PANX1: variants seen among roughly 807,000 people sequenced by gnomAD.
The protein encoded by PANX1 is pannexin-1.
Under a neutral mutation model 38.7 loss-of-function variants are expected in PANX1, and 30 were observed. That is an observed-to-expected ratio of 0.78 (90% CI 0.58 to 1.05). The LOEUF (loss-of-function observed/expected upper bound fraction) is 1.05. Among genes scored for constraint, PANX1 ranks in the 50% least tolerant of loss-of-function variants. The probability of loss-of-function intolerance (pLI) is 0.00; values close to 1 mark genes in which losing one functional copy is unlikely to be tolerated. For synonymous variants in PANX1, 230 were observed against 212.2 expected (o/e 1.08, Z -0.73); for missense variants, 551 against 517.2 (o/e 1.07, Z -0.63).
intron 2 of PANX1, among the ~76,000 whole-genome samples, chr11:94,175,204 T>A (rs1019336054): frequency 1.3e-5 from 2 of 151,778 alleles, no homozygotes; most frequent in African/African-American, 4.9e-5. Context: ...TTTGGATTCT[T>A]ATTTCCTGTT....
intron 2 of PANX1, among the ~76,000 whole-genome samples, chr11:94,166,401 A>T (rs1319256014): frequency 6.6e-6 from 1 of 152,092 alleles, no homozygotes; most frequent in Non-Finnish European, 1.5e-5. Flanking sequence ...TTTCACCTTT[A>T]TGTTTGAAGG....
chr11:94,174,994 T>C (rs1947215973), intron 2 of PANX1, among the ~76,000 whole-genome samples: 1 of 151,668 alleles, frequency 6.6e-6, no homozygotes, highest in Non-Finnish European at 1.5e-5. Flanking sequence ...GTTTCCCTAT[T>C]CTTGGAAGAG....
At chr11:94,139,712 A>G (rs975234461) in intron 1 of PANX1, among the ~76,000 whole-genome samples, 2 of 152,182 alleles carry the variant, frequency 1.3e-5, no homozygotes, top group Admixed American at 6.5e-5. Context: ...CCATGCCTGC[A>G]TAGAAACCCA....
Position 94,179,991 on chromosome 11 carries a change from TC to T in PANX1, c.939del (p.Thr314LeufsTer15). 2 of 1,595,106 alleles carry T rather than the reference TC, an allele frequency of 1.3e-6. No homozygotes were observed. Among genetic ancestry groups the T allele is most frequent in the Non-Finnish European group, 1.7e-6 (2 of 1,167,688 alleles). ...KTDVLKVYEI[L>X]PTFDVLHFKS... ...GATGTTCTCAAAGTGTACGAAATCCTCCCCACTTTTGATGTTCTGCATTTCA... is the reference window on the plus strand; with the variant it reads ...GATGTTCTCAAAGTGTACGAAATCCTCCCACTTTTGATGTTCTGCATTTCA... On this transcript the variant is annotated frameshift_variant, in exon 4 of 5. Coordinates refer to ENST00000227638, the MANE Select transcript of PANX1 (RefSeq NM_015368.4). LOFTEE classifies it high-confidence loss of function.
chr11:94,181,744 A>G lies in PANX1; in HGVS notation c.*875A>G, dbSNP rs897514888. ...TGGAACACAGGAGTATTTAAAGTGA[A>G]GAACACTTTGCCTGAATGTGATCAG... is the stretch of plus-strand genomic sequence containing the variant. On this transcript the variant is annotated 3_prime_UTR_variant, in exon 5 of 5. Transcript: ENST00000227638. The G allele has an allele frequency of 5.9e-5, 9 of 152,246 alleles. No individual in the cohort carries two copies. The highest frequency in any genetic ancestry group is 2.2e-4 in the African/African-American group (9 of 41,476). 9.4% of individuals were successfully genotyped at this position (152,246 alleles called of 1,614,324 possible). A position where few individuals can be genotyped will look rare whatever the true frequency, so the allele number is the denominator to read the frequency against.
intron 2 of PANX1, among the ~76,000 whole-genome samples, chr11:94,174,242 T>A (rs1033920516): frequency 4.6e-5 from 7 of 151,444 alleles, no homozygotes; most frequent in Non-Finnish European, 7.4e-5. Flanking sequence ...TGGTCATTAG[T>A]TAGGGTTGGG....
chr11:94,134,779 G>T (rs1487455058), intron 1 of PANX1, among the ~76,000 whole-genome samples: 3 of 152,026 alleles, frequency 2.0e-5, no homozygotes, highest in Admixed American at 6.6e-5. Flanking sequence ...AGCACGCTGG[G>T]AGAAGGGGGC....
intron 2 of PANX1, among the ~76,000 whole-genome samples, chr11:94,162,792 C>T (rs1947060369): frequency 6.6e-6 from 1 of 151,976 alleles, no homozygotes. Flanking sequence ...GCAGAAATTA[C>T]CTGTCTTCTG....
At chr11:94,131,211 A>G (rs931620077) in intron 1 of PANX1, among the ~76,000 whole-genome samples, 1 of 152,196 alleles carries the variant, frequency 6.6e-6, no homozygotes, top group African/African-American at 2.4e-5. Context: ...GGCAGGAGGA[A>G]GGAGTTAGTC....
At chr11:94,163,316 A>G (rs1440553273) in intron 2 of PANX1, among the ~76,000 whole-genome samples, 3 of 152,310 alleles carry the variant, frequency 2.0e-5, no homozygotes, top group African/African-American at 4.8e-5. Context: ...CTTAGAGGAA[A>G]GGCTTTCAGT....
chr11:94,174,311 C>A (rs944524446), intron 2 of PANX1, among the ~76,000 whole-genome samples: 2 of 151,454 alleles, frequency 1.3e-5, no homozygotes, highest in African/African-American at 4.9e-5. Flanking sequence ...TCCTCACTCA[C>A]AGGCTTGTTC....
chr11:94,164,505 A>G (rs143105784), intron 2 of PANX1, among the ~76,000 whole-genome samples: 1,802 of 152,248 alleles, frequency 0.012, 27 homozygotes, highest in South Asian at 0.019. Flanking sequence ...TTAGTTTCCA[A>G]AGTTTCTCTT....
In PANX1 at chr11:94,178,374, C is replaced by T; in HGVS notation, c.327C>T (p.Phe109=). The change falls in exon 3 of 5, where the codon TTC becomes TTT. Residue 109 remains phenylalanine (F), a synonymous_variant. Transcript: ENST00000227638. ...TTTGTTCTCTTGTTTTTCAGTTTTTCCCCTACATCCTGCTGCTCTTTGCGA... is the reference window on the plus strand; with the variant it reads ...TTTGTTCTCTTGTTTTTCAGTTTTTTCCCTACATCCTGCTGCTCTTTGCGA... ...GNLPLWLHKF[F]PYILLLFAIL... 6.2e-7 allele frequency: 1 copy of T among 1,613,408 alleles called. No individual in the cohort carries two copies. Among genetic ancestry groups the T allele is most frequent in the Middle Eastern group, 1.7e-4 (1 of 6,056 alleles).
chr11:94,135,780 T>C lies in PANX1; in HGVS notation c.181+6287T>C, dbSNP rs139971438. On this transcript the variant is annotated intron_variant, in intron 1 of 4. Coordinates refer to ENST00000227638, the MANE Select transcript of PANX1 (RefSeq NM_015368.4). Reference sequence around the variant, plus strand: ...ATGTGCTGAAGGTAGGTGGACACTTTGTGCAGCCTTATTGCTGTACTTTGT... The same window carrying C: ...ATGTGCTGAAGGTAGGTGGACACTTCGTGCAGCCTTATTGCTGTACTTTGT... Among the ~76,000 whole-genome samples the C allele has an allele frequency of 1.1e-4, 16 of 152,372 alleles. No homozygotes were observed. In the East Asian group the frequency reaches 3.1e-3, roughly 29 times the overall value.
Position 94,178,357 on chromosome 11 carries a change from C to T in PANX1, c.322-12C>T, listed in dbSNP as rs375576048. 3.1e-6 allele frequency: 5 copies of T among 1,607,714 alleles called. No homozygotes were observed. The East Asian group carries it at 1.1e-4, about 36-fold the overall frequency. On this transcript the variant is annotated splice_polypyrimidine_tract_variant and intron_variant, in intron 2 of 4. Coordinates refer to ENST00000227638, the MANE Select transcript of PANX1 (RefSeq NM_015368.4). ...GTTTGTTAAGCCCATGATTTGTTCT[C>T]TTGTTTTTCAGTTTTTCCCCTACAT...
At chr11:94,141,152 C>T (rs1230878320) in intron 1 of PANX1, among the ~76,000 whole-genome samples, 3 of 152,078 alleles carry the variant, frequency 2.0e-5, no homozygotes, top group East Asian at 1.9e-4. Context: ...TTTTGAGAAC[C>T]GTTGTTCTAG....
chr11:94,164,950 G>A (rs1276332018), intron 2 of PANX1, among the ~76,000 whole-genome samples: 1 of 152,008 alleles, frequency 6.6e-6, no homozygotes, highest in Non-Finnish European at 1.5e-5. Flanking sequence ...TCTTTTTACA[G>A]TTTCTGTATT....
chr11:94,175,916 T>A, intron 2 of PANX1: 2 of 984,204 alleles, frequency 2.0e-6, no homozygotes, highest in Non-Finnish European at 2.4e-6. Flanking sequence ...AGTTTTGGGG[T>A]CATTTGTGCT....
intron 1 of PANX1, among the ~76,000 whole-genome samples, chr11:94,141,945 C>A (rs73555259): frequency 0.026 from 3,962 of 152,278 alleles, 169 homozygotes; most frequent in African/African-American, 0.091. Context: ...GCTAAACATC[C>A]CCTAATCCTG....
Sources: gnomAD v4.1 joint callset for allele counts (sites outside exome capture counted in the v4.1 genomes callset) on GRCh38, gnomAD v4.1.1 for gene constraint, MANE v1.5 for transcripts, NCBI Gene and HGNC (gene_info 2026-07-23, HGNC 2026-07-21) for gene names.